Variants in SLC4A4 observed in about 807,000 individuals in gnomAD.
SLC4A4 encodes solute carrier family 4 member 4.
Under a neutral mutation model 111.5 loss-of-function variants are expected in SLC4A4, and 27 were observed. That is an observed-to-expected ratio of 0.24 (90% CI 0.18 to 0.33). SLC4A4 has a LOEUF of 0.33. Ranked by LOEUF, SLC4A4 falls within the 10% of genes least tolerant of loss-of-function variation. The pLI, the probability that SLC4A4 is intolerant of heterozygous loss-of-function variation, is 1.00. For missense variants in SLC4A4, 909 were observed against 1,315.5 expected (o/e 0.69, Z 4.78); for synonymous variants, 443 against 463.4 (o/e 0.96, Z 0.57).
intron 4 of SLC4A4, among the ~76,000 whole-genome samples, chr4:71,348,983 G>A (rs1355654768): frequency 6.6e-6 from 1 of 152,104 alleles, no homozygotes; most frequent in African/African-American, 2.4e-5. Flanking sequence ...AGTGAAAGAA[G>A]CCTTTTTGTT....
chr4:71,307,491 G>C (rs551592696), intron 3 of SLC4A4, among the ~76,000 whole-genome samples: 1 of 152,304 alleles, frequency 6.6e-6, no homozygotes, highest in East Asian at 1.9e-4. Flanking sequence ...TGGTTACCAA[G>C]GGTTAATTGT....
intron 16 of SLC4A4, among the ~76,000 whole-genome samples, chr4:71,512,597 A>G (rs1732030785): frequency 6.6e-6 from 1 of 152,090 alleles, no homozygotes. Context: ...TTGTCTCTTC[A>G]TTGTGTAGAT....
At chr4:71,466,647 C>T in intron 13 of SLC4A4, 70 bp downstream of exon 13, 1 of 1,460,184 alleles carries the variant, frequency 6.8e-7, no homozygotes. Flanking sequence ...CTAGATAGAG[C>T]ATAGAATAGT....
intron 7 of SLC4A4, among the ~76,000 whole-genome samples, chr4:71,399,656 G>A (rs1036135339): frequency 4.0e-5 from 6 of 151,810 alleles, no homozygotes; most frequent in Non-Finnish European, 7.4e-5. Context: ...GATTAAAAAT[G>A]GTTAGTGGCT....
intron 6 of SLC4A4, among the ~76,000 whole-genome samples, chr4:71,361,034 C>A (rs370673096): frequency 6.6e-6 from 1 of 152,108 alleles, no homozygotes; most frequent in Non-Finnish European, 1.5e-5. Context: ...AGGAGCGGCC[C>A]GGCTTCTCCA....
chr4:71,419,723 G>T (rs1010698208), intron 7 of SLC4A4, among the ~76,000 whole-genome samples: 1 of 152,184 alleles, frequency 6.6e-6, no homozygotes, highest in Admixed American at 6.5e-5. Context: ...CCACTATCTG[G>T]CACTCCCTAG....
intron 2 of SLC4A4, among the ~76,000 whole-genome samples, chr4:71,103,070 A>T (rs1241362983): frequency 6.6e-6 from 1 of 151,772 alleles, no homozygotes; most frequent in African/African-American, 2.4e-5. Flanking sequence ...AAAAGGTTGG[A>T]GGAAGATCTA....
chr4:71,197,985 A>C (rs1746082628), intron 1 of SLC4A4, among the ~76,000 whole-genome samples: 1 of 152,254 alleles, frequency 6.6e-6, no homozygotes, highest in Non-Finnish European at 1.5e-5. Context: ...ATCATTTAAA[A>C]AATATTTATC....
At chr4:71,554,236 T>C (rs528371307) in intron 20 of SLC4A4, among the ~76,000 whole-genome samples, 1 of 151,892 alleles carries the variant, frequency 6.6e-6, no homozygotes, top group African/African-American at 2.4e-5. Flanking sequence ...TTTGGTAAGA[T>C]TGGCCTTAAT....
At chr4:71,551,530 C>T (rs1489505591) in intron 20 of SLC4A4, among the ~76,000 whole-genome samples, 1 of 151,844 alleles carries the variant, frequency 6.6e-6, no homozygotes, top group Non-Finnish European at 1.5e-5. Context: ...AAAATTGTCT[C>T]TCTTTTACAC....
chr4:71,426,522 C>T (rs1040909015), intron 7 of SLC4A4, among the ~76,000 whole-genome samples: 1 of 152,070 alleles, frequency 6.6e-6, no homozygotes, highest in Non-Finnish European at 1.5e-5. Context: ...TTGTAGGCAA[C>T]GTACTAGTCT....
At position 71,426,650 on chromosome 4, in the gene SLC4A4, G is replaced by C. The variant is rs566745022; in HGVS notation, c.808-13966G>C. Among the ~76,000 whole-genome samples, 10 of 152,222 alleles carry C rather than the reference G, an allele frequency of 6.6e-5. No homozygotes were observed. The South Asian group carries it at 2.1e-3, about 32-fold the overall frequency. On this transcript the variant is annotated intron_variant, in intron 7 of 25. Transcript: ENST00000264485. Reference sequence around the variant, plus strand: ...TGTCCCAGTGATAAATTTTCACAAGGCTGTCTTTGATGGCTTCCTTCTACA... The same window carrying C: ...TGTCCCAGTGATAAATTTTCACAAGCCTGTCTTTGATGGCTTCCTTCTACA...
intron 3 of SLC4A4, among the ~76,000 whole-genome samples, chr4:71,320,220 C>T (rs1727011658): frequency 6.6e-6 from 1 of 151,960 alleles, no homozygotes; most frequent in Admixed American, 6.6e-5. Context: ...TTAATATCTG[C>T]CTTGAGCTTT....
At chr4:71,260,817 G>A (rs1213327168) in intron 3 of SLC4A4, among the ~76,000 whole-genome samples, 1 of 152,246 alleles carries the variant, frequency 6.6e-6, no homozygotes, top group East Asian at 1.9e-4. Context: ...TATGTAAAAA[G>A]GGGATGATCG....
chr4:71,481,720 CA>C lies in SLC4A4; in HGVS notation c.1904-5227del, dbSNP rs572334204. 9.3e-5 allele frequency among the ~76,000 whole-genome samples: 14 copies of C among 150,496 alleles called. No homozygotes were observed. In the South Asian group the frequency reaches 2.9e-3, roughly 32 times the overall value. On this transcript the variant is annotated intron_variant, in intron 14 of 25. Transcript: ENST00000264485. ...TAAATAGGCTAAGAAGGAAAAGTCA[CA>C]GATACATTTGTAAATGTCAATTACT...
chr4:71,373,263 C>T (rs1732047620), intron 6 of SLC4A4, among the ~76,000 whole-genome samples: 1 of 152,132 alleles, frequency 6.6e-6, no homozygotes, highest in Admixed American at 6.5e-5. Flanking sequence ...GTAAGTGCCA[C>T]CAGGAGGGTA....
At chr4:71,258,575 A>C (rs1721625285) in intron 3 of SLC4A4, among the ~76,000 whole-genome samples, 1 of 152,174 alleles carries the variant, frequency 6.6e-6, no homozygotes, top group South Asian at 2.1e-4. Context: ...ATACGTGTTT[A>C]TTGAGGAGTA....
intron 2 of SLC4A4, among the ~76,000 whole-genome samples, chr4:71,121,585 G>A (rs902874030): frequency 2.6e-5 from 4 of 152,040 alleles, no homozygotes; most frequent in Admixed American, 1.3e-4. Flanking sequence ...GAACTTTTAT[G>A]TCTAGCTAGA....
intron 2 of SLC4A4, among the ~76,000 whole-genome samples, chr4:71,155,697 C>A (rs147896246): frequency 2.6e-5 from 4 of 152,204 alleles, no homozygotes; most frequent in African/African-American, 7.2e-5. Context: ...CTCCCATGTT[C>A]AAGTGATCCT....
Sources: allele counts gnomAD v4.1 joint callset (sites outside exome capture counted in the v4.1 genomes callset), GRCh38; gene constraint gnomAD v4.1.1; transcripts MANE v1.5; gene names NCBI Gene and HGNC (gene_info 2026-07-23, HGNC 2026-07-21).